NUP188: variants seen among roughly 807,000 people sequenced by gnomAD.
The protein encoded by NUP188 is nucleoporin NUP188.
A neutral mutation model predicts 223.0 loss-of-function variants in NUP188; 97 were observed. The observed-to-expected ratio is 0.43, with a 90% confidence interval of 0.37 to 0.51. The LOEUF is 0.51. NUP188 is among the 20% of genes least tolerant of loss of function. The pLI, the probability that NUP188 is intolerant of heterozygous loss-of-function variation, is 0.00. For synonymous variants in NUP188, 869 were observed against 828.0 expected, an observed-to-expected ratio of 1.05 and a Z score of -0.85; for missense variants, 1,947 against 2,175.6, an observed-to-expected ratio of 0.89 and a Z score of 2.09.
Position 128,959,116 on chromosome 9 carries a change from G to A in NUP188, c.567G>A (p.Glu189=), listed in dbSNP as rs775225785. ...ELYKTEAPTW[E]THGNLMTERQ... is the part of the protein sequence containing the mutation. ...ATAAAACTGAAGCACCAACTTGGGA[G>A]ACACATGGAAATCTCATGGTATGTG... is the stretch of plus-strand genomic sequence containing the variant. The change falls in exon 8 of 44, where the codon GAG becomes GAA. Residue 189 remains glutamate, a synonymous_variant. Transcript: ENST00000372577. 6.3e-6 allele frequency: 10 copies of A among 1,598,756 alleles called. No individual in the cohort carries two copies. Among genetic ancestry groups the A allele is most frequent in the Non-Finnish European group, 7.7e-6 (9 of 1,172,454 alleles).
chr9:128,980,545 T>C lies in NUP188; in HGVS notation c.1270-61T>C, dbSNP rs11564086. 8,239 of 1,545,016 alleles carry C rather than the reference T, an allele frequency of 5.3e-3. 363 individuals carry two copies. In the African/African-American group the frequency reaches 0.098, roughly 18 times the overall value. ...AATTTTCTCATGATTGCTGGGAAAT[T>C]TGGAGAGATGTTAATTTGTGGATAA... On this transcript the variant is annotated intron_variant, in intron 13 of 43. Coordinates refer to ENST00000372577, the MANE Select transcript of NUP188 (RefSeq NM_015354.3).
At chr9:128,967,103 G>A (rs1842040430) in intron 8 of NUP188, among the ~76,000 whole-genome samples, 2 of 152,216 alleles carry the variant, frequency 1.3e-5, no homozygotes, top group Admixed American at 6.5e-5. Context: ...AACCTCCCCA[G>A]CTCAAGTGAC....
chr9:128,951,390 G>T (rs1339897489), intron 2 of NUP188, among the ~76,000 whole-genome samples: 76 of 151,328 alleles, frequency 5.0e-4, no homozygotes, highest in Non-Finnish European at 1.5e-5. Flanking sequence ...GTGGTGGAAA[G>T]ATCGCTTAAG....
At chr9:129,002,047 C>A in intron 36 of NUP188, 71 bp downstream of exon 36, 1 of 1,240,712 alleles carries the variant, frequency 8.1e-7, no homozygotes, top group Non-Finnish European at 1.2e-6. Flanking sequence ...GTGTCCTCCC[C>A]TACCTTTCCC....
intron 8 of NUP188, chr9:128,964,196 C>T (rs1433078492): frequency 3.3e-6 from 1 of 305,196 alleles, no homozygotes; most frequent in Non-Finnish European, 6.4e-6. Context: ...ACACCTTCTT[C>T]AGTCAAGTGT....
chr9:128,952,546 A>C (rs983165873), intron 2 of NUP188, among the ~76,000 whole-genome samples: 1 of 152,054 alleles, frequency 6.6e-6, no homozygotes, highest in African/African-American at 2.4e-5. Context: ...AACATGGTGA[A>C]ACTCCATCTC....
chr9:128,968,455 T>C (rs765679078), intron 8 of NUP188, 51 bp from the exon 9 acceptor site: 24 of 1,433,688 alleles, frequency 1.7e-5, no homozygotes, highest in Non-Finnish European at 2.3e-5. Context: ...TTAAGTACTG[T>C]TTTTAATCTC....
chr9:129,004,280 TCAA>T (rs1842733343), intron 38 of NUP188, among the ~76,000 whole-genome samples: 1 of 97,612 alleles, frequency 1.0e-5, no homozygotes. Context: ...AGACTCCGTC[TCAA>T]AAAAAAAAAA....
At chr9:128,947,812 A>G in intron 1 of NUP188, 61 bp downstream of exon 1, 21 of 1,324,446 alleles carry the variant, frequency 1.6e-5, no homozygotes, top group Non-Finnish European at 2.0e-5. Flanking sequence ...GCCGAGCGGA[A>G]GCGGGGCGGG....
At chr9:129,000,943 C>T (rs1278826693) in intron 34 of NUP188, among the ~76,000 whole-genome samples, 1 of 151,920 alleles carries the variant, frequency 6.6e-6, no homozygotes, top group Non-Finnish European at 1.5e-5. Flanking sequence ...GAGGCTGAGG[C>T]AGGAGGATGG....
At chr9:129,001,813 T>TGA in intron 35 of NUP188, 71 bp from the exon 36 acceptor site, 1 of 1,593,832 alleles carries the variant, frequency 6.3e-7, no homozygotes. Flanking sequence ...TGATCTAGCC[T>TGA]GAGAGCCCTA....
chr9:128,998,948 C>G (rs1180965434), intron 32 of NUP188, among the ~76,000 whole-genome samples: 1 of 151,728 alleles, frequency 6.6e-6, no homozygotes, highest in Non-Finnish European at 1.5e-5. Context: ...CCTCCACCTC[C>G]CAGGTTCAAG....
At chr9:129,001,492 C>T (rs377495822) in intron 34 of NUP188, 37 bp from the exon 35 acceptor site, 53 of 1,595,952 alleles carry the variant, frequency 3.3e-5, no homozygotes, top group Admixed American at 5.0e-5. Flanking sequence ...TCCTCCTCTT[C>T]TTCTTCCCCC....
At position 128,983,495 on chromosome 9, in the gene NUP188, A is replaced by C; in HGVS notation, c.1906A>C (p.Thr636Pro). The part of the protein sequence containing the change: ...PAKVWTDLRH[T>P]GFLPFVAHPV... The stretch of plus-strand genomic sequence containing the variant: ...TCAGGTCTGGACTGATCTTCGTCAC[A>C]CAGGTTTTTTACCATTTGTGGCCCA... The change falls in exon 19 of 44, where the codon ACA (threonine) becomes CCA (proline). Residue 636 changes from threonine (T) to proline (P), a missense_variant. By Grantham distance (38) the Thr-to-Pro change is conservative (BLOSUM62 -1). Coordinates refer to ENST00000372577, the MANE Select transcript of NUP188 (RefSeq NM_015354.3). 4 of 1,614,132 alleles carry C rather than the reference A, an allele frequency of 2.5e-6. No individual in the cohort carries two copies. The highest frequency in any genetic ancestry group is 3.4e-6 in the Non-Finnish European group (4 of 1,180,016).
At chr9:128,951,883 C>A (rs1841793592) in intron 2 of NUP188, among the ~76,000 whole-genome samples, 1 of 151,446 alleles carries the variant, frequency 6.6e-6, no homozygotes, top group Non-Finnish European at 1.5e-5. Context: ...ACCTCTGCCT[C>A]CCAGGTTCAA....
At chr9:128,961,090 A>G (rs1228388553) in intron 8 of NUP188, among the ~76,000 whole-genome samples, 1 of 151,064 alleles carries the variant, frequency 6.6e-6, no homozygotes, top group Non-Finnish European at 1.5e-5. Context: ...CGTCTCAAAA[A>G]AAAAAAAAAA....
chr9:128,953,189 A>C (rs1247054689), intron 3 of NUP188, among the ~76,000 whole-genome samples: 1 of 152,210 alleles, frequency 6.6e-6, no homozygotes, highest in East Asian at 1.9e-4. Flanking sequence ...TGATGCTAAC[A>C]ACTGACACTT....
At chr9:129,003,790 T>C in intron 38 of NUP188, 1 of 347,406 alleles carries the variant, frequency 2.9e-6, no homozygotes, top group South Asian at 2.4e-5. Context: ...CTGGCCAACA[T>C]GGTGAAACCC....
intron 3 of NUP188, among the ~76,000 whole-genome samples, chr9:128,954,760 T>C (rs1438692549): frequency 6.6e-6 from 1 of 152,102 alleles, no homozygotes; most frequent in Non-Finnish European, 1.5e-5. Flanking sequence ...AGTTATTTTG[T>C]AGTATGCCCC....
Sources: allele counts gnomAD v4.1 joint callset (sites outside exome capture counted in the v4.1 genomes callset), GRCh38; gene constraint gnomAD v4.1.1; transcripts MANE v1.5; gene names NCBI Gene and HGNC (gene_info 2026-07-23, HGNC 2026-07-21).